The following ARHGAP17 variants were observed in gnomAD, a reference collection of about 807,000 sequenced individuals.
ARHGAP17 encodes the protein Rho GTPase activating protein 17.
A neutral mutation model predicts 99.5 loss-of-function variants in ARHGAP17; 57 were observed. That is an observed-to-expected ratio of 0.57 (90% CI 0.46 to 0.71). The LOEUF (loss-of-function observed/expected upper bound fraction) is 0.71. ARHGAP17 is among the 30% of genes least tolerant of loss of function. The pLI is 0.00. For missense variants in ARHGAP17, 1,000 were observed against 1,122.4 expected, an observed-to-expected ratio of 0.89 and a Z score of 1.56; for synonymous variants, 417 against 429.6, an observed-to-expected ratio of 0.97 and a Z score of 0.36.
At chr16:24,986,970 C>G (rs947159498) in intron 1 of ARHGAP17, among the ~76,000 whole-genome samples, 1 of 152,222 alleles carries the variant, frequency 6.6e-6, no homozygotes, top group Non-Finnish European at 1.5e-5. Context: ...CCTCCTGCAC[C>G]TACGCACCTC....
At chr16:24,993,646 T>C (rs950543609) in intron 1 of ARHGAP17, among the ~76,000 whole-genome samples, 2 of 151,802 alleles carry the variant, frequency 1.3e-5, no homozygotes, top group African/African-American at 2.4e-5. Flanking sequence ...GCAATTTTTA[T>C]TATCCCTGTT....
chr16:24,925,082 G>A (rs1175798203), intron 19 of ARHGAP17, among the ~76,000 whole-genome samples: 2 of 151,880 alleles, frequency 1.3e-5, no homozygotes, highest in Non-Finnish European at 2.9e-5. Flanking sequence ...ATGTTAGGGT[G>A]ATTAAGAATG....
chr16:25,009,716 A>T (rs938955773), intron 1 of ARHGAP17, among the ~76,000 whole-genome samples: 4 of 152,154 alleles, frequency 2.6e-5, no homozygotes, highest in African/African-American at 9.7e-5. Context: ...CAGAATTTAT[A>T]GCTGCTGCAG....
chr16:24,924,868 T>TAA (rs145017005), intron 19 of ARHGAP17, among the ~76,000 whole-genome samples: 12 of 147,670 alleles, frequency 8.1e-5, no homozygotes, highest in Non-Finnish European at 1.7e-4. Context: ...GTCTCAAAAA[T>TAA]AAAAAAAAAT....
Position 24,939,410 on chromosome 16 carries a change from A to AG in ARHGAP17, c.1677dup (p.Ser560LeufsTer75). On this transcript the variant is annotated frameshift_variant, in exon 17 of 20. Coordinates refer to ENST00000289968, the MANE Select transcript of ARHGAP17 (RefSeq NM_001006634.3). LOFTEE classifies it high-confidence loss of function. ...CCCTGCTCCAGTATGCCCGCGGAAG[A>AG]GGGGACAGTCCCACCCCCAGAGCTG... 1 of 1,611,186 alleles carries AG rather than the reference A, an allele frequency of 6.2e-7. No homozygotes were observed. Among genetic ancestry groups the AG allele is most frequent in the Non-Finnish European group, 8.5e-7 (1 of 1,179,830 alleles).
intron 12 of ARHGAP17, among the ~76,000 whole-genome samples, chr16:24,950,078 G>A (rs910202220): frequency 6.6e-6 from 1 of 152,174 alleles, no homozygotes; most frequent in Non-Finnish European, 1.5e-5. Context: ...CTGCCCACTA[G>A]GGACCAAGAG....
At chr16:25,013,604 A>G (rs2053701967) in intron 1 of ARHGAP17, among the ~76,000 whole-genome samples, 1 of 152,048 alleles carries the variant, frequency 6.6e-6, no homozygotes, top group South Asian at 2.1e-4. Flanking sequence ...CTTGGGTGAC[A>G]AAGGGAGACC....
At chr16:24,969,194 C>T (rs967710014) in intron 4 of ARHGAP17, among the ~76,000 whole-genome samples, 3 of 152,208 alleles carry the variant, frequency 2.0e-5, no homozygotes, top group African/African-American at 4.8e-5. Context: ...AGCTGGCTAA[C>T]ACTTAAGGGC....
At chr16:25,003,230 C>CTTTTTTTTT (rs564573463) in intron 1 of ARHGAP17, among the ~76,000 whole-genome samples, 5 of 90,700 alleles carry the variant, frequency 5.5e-5, no homozygotes, top group Admixed American at 1.4e-4. Flanking sequence ...AGCTTTAAAG[C>CTTTTTTTTT]TTTTTTTTTT....
rs1385753048 is a variant in ARHGAP17 at position 25,015,242 on chromosome 16, C to A, written c.20G>T (p.Arg7Leu). The change falls in exon 1 of 20, where the codon CGC becomes CTC. Residue 7 changes from arginine (R) to leucine (L), a missense_variant. By Grantham distance (102) the Arg-to-Leu change is moderately radical (BLOSUM62 -2). This residue lies in a region of ARHGAP17 where 472 missense variants were observed against 611.1 expected (regional missense o/e 0.77). Transcript: ENST00000289968. ...GGTCTGGTTAGCCAGCTGCTTCATG[C>A]GGTTGAACTGCTTCTTCATGGCGGC... MKKQFN[R>L]MKQLANQTVG... 1 of 1,361,256 alleles carries A rather than the reference C, an allele frequency of 7.3e-7. No individual in the cohort carries two copies. 84.3% of individuals were successfully genotyped at this position (1,361,256 alleles called of 1,614,324 possible). A position where few individuals can be genotyped will look rare whatever the true frequency, so the allele number is the denominator to read the frequency against.
In ARHGAP17 at chr16:24,929,567, G is replaced by A. The variant is rs2050927791; in HGVS notation, c.2515+1217C>T. ...ACACGGCTAAGCAGGAGCATTTGGA[G>A]CTGTGGGGCGAGCTATGGGGCAAGC... On this transcript the variant is annotated intron_variant, in intron 19 of 19. Transcript: ENST00000289968. The A allele has an allele frequency of 3.0e-6, 3 of 984,904 alleles. No individual in the cohort carries two copies. The South Asian group carries it at 1.4e-4, about 46-fold the overall frequency. 61.0% of individuals were successfully genotyped at this position (984,904 alleles called of 1,614,324 possible). A position where few individuals can be genotyped will look rare whatever the true frequency, so the allele number is the denominator to read the frequency against.
chr16:24,930,699 C>T (rs747830012), intron 19 of ARHGAP17, 85 bp downstream of exon 19: 2 of 1,612,074 alleles, frequency 1.2e-6, no homozygotes, highest in South Asian at 2.2e-5. Context: ...TGACACCTGG[C>T]ATAAATCAAA....
At chr16:24,946,884 C>T (rs117100513) in intron 14 of ARHGAP17, among the ~76,000 whole-genome samples, 16 of 152,340 alleles carry the variant, frequency 1.1e-4, no homozygotes, top group Admixed American at 2.0e-4. Flanking sequence ...CCACCTGCTT[C>T]TTTGGATCTT....
chr16:24,954,858 C>T (rs2051759748), intron 9 of ARHGAP17, 128 bp from the exon 10 acceptor site: 1 of 1,302,778 alleles, frequency 7.7e-7, no homozygotes, highest in Admixed American at 2.2e-5. Flanking sequence ...GGGGATACAT[C>T]TGTTCTATTT....
chr16:24,970,707 G>T, intron 3 of ARHGAP17, 127 bp from the exon 4 acceptor site: 1 of 815,712 alleles, frequency 1.2e-6, no homozygotes, highest in Middle Eastern at 3.5e-4. Flanking sequence ...CAGCCTGTCT[G>T]GGTTCAGGTT....
intron 17 of ARHGAP17, 88 bp downstream of exon 17, chr16:24,939,276 T>C: frequency 6.5e-6 from 8 of 1,231,958 alleles, no homozygotes; most frequent in Non-Finnish European, 8.8e-6. Context: ...AGCAGTTCTT[T>C]GGGCATGGAT....
intron 1 of ARHGAP17, among the ~76,000 whole-genome samples, chr16:25,000,691 T>C (rs2053337943): frequency 6.6e-6 from 1 of 152,224 alleles, no homozygotes; most frequent in Non-Finnish European, 1.5e-5. Context: ...TAACCACCTC[T>C]TCTTTAGAAG....
chr16:24,922,897 G>C lies in ARHGAP17; in HGVS notation c.2516-2637C>G, dbSNP rs540102615. Among the ~76,000 whole-genome samples the C allele has an allele frequency of 3.0e-4, 45 of 151,890 alleles. 1 individual carries two copies. The South Asian group carries it at 6.9e-3, about 23-fold the overall frequency. ...TCACCATGTTGACTGGGCTGGTCTT[G>C]AACTCCTGGCCTCAAGCAATCCTCC... On this transcript the variant is annotated intron_variant, in intron 19 of 19. Coordinates refer to ENST00000289968, the MANE Select transcript of ARHGAP17 (RefSeq NM_001006634.3).
Position 24,935,605 on chromosome 16 carries a change from C to A in ARHGAP17, c.1759G>T (p.Val587Leu), listed in dbSNP as rs765374262. The change falls in exon 18 of 20, where the codon GTG becomes TTG. Residue 587 changes from valine (V) to leucine (L), a missense_variant. Val to Leu is a conservative substitution (Grantham distance 32). Around this residue, in one of 2 missense-constraint regions of ARHGAP17, gnomAD observed 528 missense variants for 511.4 expected, o/e 1.03. Coordinates refer to ENST00000289968, the MANE Select transcript of ARHGAP17 (RefSeq NM_001006634.3). ...PKPKDPVSAA[V>L]PAPGRNNSQI... ...CTGTTGTTTCTCCCTGGTGCTGGCA[C>A]AGCTGCAGATACAGGGTCCTTCGGT... 5.6e-6 allele frequency: 9 copies of A among 1,614,032 alleles called. No homozygotes were observed. Among genetic ancestry groups the A allele is most frequent in the Admixed American group, 1.7e-5 (1 of 60,010 alleles).
Sources: gnomAD v4.1 joint callset for allele counts (sites outside exome capture counted in the v4.1 genomes callset) on GRCh38, gnomAD v4.1.1 for gene constraint, gnomAD v4.1.1 regional missense constraint, MANE v1.5 for transcripts, NCBI Gene and HGNC (gene_info 2026-07-23, HGNC 2026-07-21) for gene names.